Variants in GPC5 observed in about 807,000 individuals in gnomAD.
The protein encoded by GPC5 is glypican-5.
In GPC5, 47 loss-of-function variants were observed where a neutral mutation model predicts 53.9. The ratio of observed to expected loss-of-function variants is 0.87; its 90% CI spans 0.69 to 1.11. The LOEUF is 1.11. Ranked by LOEUF, GPC5 falls within the 50% of genes most tolerant of loss-of-function variation. The probability of loss-of-function intolerance (pLI) is 0.00; values close to 1 mark genes in which losing one functional copy is unlikely to be tolerated. For missense variants in GPC5, 748 were observed against 713.1 expected (o/e 1.05, Z -0.56); for synonymous variants, 286 against 263.3 (o/e 1.09, Z -0.84).
At chr13:91,865,429 TG>T (rs2039073216) in intron 5 of GPC5, among the ~76,000 whole-genome samples, 1 of 152,274 alleles carries the variant, frequency 6.6e-6, no homozygotes. Context: ...TCAAAGACAT[TG>T]GTCTAGCTAA....
intron 7 of GPC5, among the ~76,000 whole-genome samples, chr13:92,837,213 A>G (rs1264148012): frequency 6.6e-6 from 1 of 152,196 alleles, no homozygotes; most frequent in Admixed American, 6.5e-5. Flanking sequence ...AGAGAAAGGA[A>G]ATACACTCCA....
At chr13:92,177,866 T>C (rs944759706) in intron 7 of GPC5, among the ~76,000 whole-genome samples, 5 of 152,226 alleles carry the variant, frequency 3.3e-5, no homozygotes, top group Non-Finnish European at 7.3e-5. Flanking sequence ...TATACCATTA[T>C]TTTTCTATTT....
intron 7 of GPC5, among the ~76,000 whole-genome samples, chr13:92,632,637 A>G (rs1885286435): frequency 6.6e-6 from 1 of 152,032 alleles, no homozygotes; most frequent in Non-Finnish European, 1.5e-5. Context: ...ATATCAGATA[A>G]AATAGATAAA....
intron 2 of GPC5, among the ~76,000 whole-genome samples, chr13:91,482,143 TA>T (rs1486604981): frequency 6.6e-6 from 1 of 152,164 alleles, no homozygotes; most frequent in Admixed American, 6.5e-5. Flanking sequence ...CTCAATAAAA[TA>T]GTGTTGAGAG....
intron 7 of GPC5, among the ~76,000 whole-genome samples, chr13:92,280,954 C>A (rs1275224757): frequency 6.6e-6 from 1 of 152,148 alleles, no homozygotes; most frequent in Non-Finnish European, 1.5e-5. Context: ...CAAGGCATCG[C>A]CTCACCCAGG....
At chr13:92,358,571 G>T (rs2043541502) in intron 7 of GPC5, among the ~76,000 whole-genome samples, 1 of 151,702 alleles carries the variant, frequency 6.6e-6, no homozygotes. Context: ...CCAGACTTCT[G>T]CCTGGACATT....
chr13:91,883,741 C>T lies in GPC5; in HGVS notation c.1281-24196C>T, dbSNP rs189888885. ...TGCCATTTTAAGGACTTTGACTGTT[C>T]CTCAAACTGGCATGGGACCATTGAA... On this transcript the variant is annotated intron_variant, in intron 5 of 7. Coordinates refer to ENST00000377067, the MANE Select transcript of GPC5 (RefSeq NM_004466.6). Among the ~76,000 whole-genome samples, 15 of 152,212 alleles carry T rather than the reference C, an allele frequency of 9.9e-5. No homozygotes were observed. In the East Asian group the frequency reaches 2.7e-3, roughly 27 times the overall value.
At chr13:92,768,499 A>G (rs2138746139) in intron 7 of GPC5, among the ~76,000 whole-genome samples, 1 of 152,028 alleles carries the variant, frequency 6.6e-6, no homozygotes, top group East Asian at 1.9e-4. Context: ...TTTTTAAGCA[A>G]TTTTCTACAT....
At chr13:91,950,272 T>TG (rs1207041297) in intron 6 of GPC5, among the ~76,000 whole-genome samples, 2 of 150,786 alleles carry the variant, frequency 1.3e-5, no homozygotes, top group Non-Finnish European at 3.0e-5. Flanking sequence ...CCAAGTTTTT[T>TG]TTTTTTTTTT....
chr13:92,314,862 C>G (rs974897364), intron 7 of GPC5, among the ~76,000 whole-genome samples: 3 of 152,084 alleles, frequency 2.0e-5, no homozygotes, highest in Admixed American at 6.6e-5. Flanking sequence ...AGCCTCAACA[C>G]CCCCCATGCT....
chr13:91,778,665 G>T (rs1159168693), intron 5 of GPC5, among the ~76,000 whole-genome samples: 1 of 152,164 alleles, frequency 6.6e-6, no homozygotes, highest in Non-Finnish European at 1.5e-5. Flanking sequence ...CCAAGGTCTA[G>T]CATCTACCTG....
chr13:91,469,890 A>T (rs1184912663), intron 2 of GPC5, among the ~76,000 whole-genome samples: 4 of 152,130 alleles, frequency 2.6e-5, no homozygotes, highest in African/African-American at 4.8e-5. Flanking sequence ...AAATACAAAA[A>T]TTAGCTGGGC....
chr13:91,747,892 C>A (rs543656117), intron 4 of GPC5, among the ~76,000 whole-genome samples: 5 of 152,244 alleles, frequency 3.3e-5, no homozygotes, highest in South Asian at 4.1e-4. Flanking sequence ...TCTCATGAGT[C>A]TTTTTATTTC....
intron 7 of GPC5, among the ~76,000 whole-genome samples, chr13:92,635,800 T>C (rs1292687745): frequency 6.6e-6 from 1 of 152,250 alleles, no homozygotes; most frequent in Non-Finnish European, 1.5e-5. Context: ...GCCTTCCTTC[T>C]GCCAAGCTTA....
chr13:91,872,507 C>T (rs1271913356), intron 5 of GPC5, among the ~76,000 whole-genome samples: 1 of 151,898 alleles, frequency 6.6e-6, no homozygotes, highest in African/African-American at 2.4e-5. Flanking sequence ...GGTTATAGAA[C>T]CTGAAAAATT....
chr13:92,282,644 G>A (rs1024005140), intron 7 of GPC5, among the ~76,000 whole-genome samples: 1 of 152,094 alleles, frequency 6.6e-6, no homozygotes. Flanking sequence ...GCCAAACTAA[G>A]CTTCATAAGT....
In GPC5 at chr13:92,857,836, C is replaced by T. The variant is rs1482273166; in HGVS notation, c.1562-8446C>T. On this transcript the variant is annotated intron_variant, in intron 7 of 7. Coordinates refer to ENST00000377067, the MANE Select transcript of GPC5 (RefSeq NM_004466.6). ...CAAAAAACAACAGATGCTGGCAAGG[C>T]TGGGAAGAAAAGGGAATATTTATAC... Among the ~76,000 whole-genome samples, 6 of 152,112 alleles carry T rather than the reference C, an allele frequency of 3.9e-5. No individual in the cohort carries two copies. The East Asian group carries it at 5.8e-4, about 15-fold the overall frequency.
intron 7 of GPC5, among the ~76,000 whole-genome samples, chr13:92,811,051 T>C (rs1449470039): frequency 6.6e-6 from 1 of 151,970 alleles, no homozygotes; most frequent in Non-Finnish European, 1.5e-5. Flanking sequence ...CATCCATGTA[T>C]CAGAACTTCA....
At chr13:91,866,562 C>T (rs189740730) in intron 5 of GPC5, among the ~76,000 whole-genome samples, 1 of 152,134 alleles carries the variant, frequency 6.6e-6, no homozygotes. Flanking sequence ...TTCGGCTCCC[C>T]CTTTGCCTTA....
Sources: allele counts gnomAD v4.1 joint callset (sites outside exome capture counted in the v4.1 genomes callset), GRCh38; gene constraint gnomAD v4.1.1; transcripts MANE v1.5; gene names NCBI Gene and HGNC (gene_info 2026-07-23, HGNC 2026-07-21).